Variants in PTPN6 observed in about 807,000 individuals in gnomAD.
PTPN6 encodes the protein protein tyrosine phosphatase non-receptor type 6.
PTPN6 carries 18 observed loss-of-function variants against 81.5 expected under a neutral mutation model. The observed-to-expected ratio is 0.22, with a 90% CI of 0.15 to 0.33. The LOEUF is 0.33. Among genes scored for constraint, PTPN6 ranks in the 10% least tolerant of loss-of-function variants. The pLI is 1.00. For missense variants in PTPN6, 500 were observed against 794.2 expected (o/e 0.63, Z 4.45); for synonymous variants, 301 against 310.9 (o/e 0.97, Z 0.33).
Position 6,951,892 on chromosome 12 carries a change from C to G in PTPN6, c.132-91C>G. On this transcript the variant is annotated intron_variant, in intron 2 of 15. Coordinates refer to ENST00000318974, the MANE Select transcript of PTPN6 (RefSeq NM_002831.6). The surrounding 1 kb of genome is among the most constrained non-coding windows in gnomAD (Gnocchi z 7.2). ...CATCCCTGTCTGTGCCCACCCATGC[C>G]CATGTGTGCCCCCACCCAGGACCTC... 6.5e-7 allele frequency: 1 copy of G among 1,547,134 alleles called. No individual in the cohort carries two copies.
At chr12:6,946,718 A>G (rs782180778), upstream of PTPN6, 1 of 1,611,238 alleles carries the variant, frequency 6.2e-7, no homozygotes, top group Admixed American at 1.7e-5. Flanking sequence ...CCCCCTCCCT[A>G]CAGAGAGATG....
chr12:6,952,448 G>A lies in PTPN6; in HGVS notation c.326+271G>A. On this transcript the variant is annotated intron_variant, in intron 3 of 15. Coordinates refer to ENST00000318974, the MANE Select transcript of PTPN6 (RefSeq NM_002831.6). The surrounding 1 kb of genome is among the most constrained non-coding windows in gnomAD (Gnocchi z 8.1). ...GGGAGCCCTGGCCGCTGCAACCCAG[G>A]TCCCACTGGAGACAGGGAGGCCACT... 3.7e-6 allele frequency: 2 copies of A among 542,342 alleles called. No individual in the cohort carries two copies. Among genetic ancestry groups the A allele is most frequent in the Non-Finnish European group, 6.7e-6 (2 of 300,024 alleles). The allele number at this position is 542,342 out of a possible 1,614,324, so 33.6% of individuals were successfully genotyped here. A position where few individuals can be genotyped will look rare whatever the true frequency, so the allele number is the denominator to read the frequency against.
In PTPN6 at chr12:6,960,751, C is replaced by A; in HGVS notation, c.1674-55C>A. ...ACTGCCAGTGCCGGGTCCCCCTGTG[C>A]TGTCTCCTGACCTGCACCAACTGCC... On this transcript the variant is annotated intron_variant, in intron 14 of 15. Transcript: ENST00000318974. The surrounding 1 kb of genome is among the most constrained non-coding windows in gnomAD (Gnocchi z 6.1). 6.4e-7 allele frequency: 1 copy of A among 1,551,808 alleles called. No homozygotes were observed. Among genetic ancestry groups the A allele is most frequent in the Non-Finnish European group, 8.7e-7 (1 of 1,147,060 alleles).
rs1945985486 is a variant in PTPN6, at chr12:6,954,484, C to T, written c.327-321C>T. Among the ~76,000 whole-genome samples the T allele has an allele frequency of 6.6e-6, 1 of 152,210 alleles. No homozygotes were observed. The highest frequency in any genetic ancestry group is 1.5e-5 in the Non-Finnish European group (1 of 68,038). On this transcript the variant is annotated intron_variant, in intron 3 of 15. Coordinates refer to ENST00000318974, the MANE Select transcript of PTPN6 (RefSeq NM_002831.6). The surrounding 1 kb of genome is among the most constrained non-coding windows in gnomAD (Gnocchi z 5.4). ...ATGGCTTGAACCTGGGAGGTCGAGGCTGCAGAGAGCTGTAACCGCGCCACT... is the reference window on the plus strand; with the variant it reads ...ATGGCTTGAACCTGGGAGGTCGAGGTTGCAGAGAGCTGTAACCGCGCCACT...
Position 6,955,263 on chromosome 12 carries a change from G to A in PTPN6, c.629G>A (p.Arg210Gln), listed in dbSNP as rs367551491. Residue 210 changes from arginine (R) to glutamine (Q), a missense_variant, in exon 5 of 16, where the codon CGG becomes CAG. By Grantham distance (43) the Arg-to-Gln change is conservative. Transcript: ENST00000318974. This position sits in a 1 kb window ranked among gnomAD's most constrained non-coding sequence, Gnocchi z 7.2. Reference sequence around the variant, plus strand: ...GCCTCAGGCGCCTTTGTCTACCTGCGGCAGGTCAGGGGTGGGCCCAGCTGC... The same window carrying A: ...GCCTCAGGCGCCTTTGTCTACCTGCAGCAGGTCAGGGGTGGGCCCAGCTGC... ...EEASGAFVYLRQPYYATRVNA... is the reference protein window; with the variant it reads ...EEASGAFVYLQQPYYATRVNA... 24 of 1,613,926 alleles carry A rather than the reference G, an allele frequency of 1.5e-5. No individual in the cohort carries two copies. The highest frequency in any genetic ancestry group is 2.7e-5 in the African/African-American group (2 of 74,894).
At position 6,956,133 on chromosome 12, in the gene PTPN6, C is replaced by G; in HGVS notation, c.845-9C>G. 1 of 1,614,152 alleles carries G rather than the reference C, an allele frequency of 6.2e-7. No homozygotes were observed. Among genetic ancestry groups the G allele is most frequent in the African/African-American group, 1.3e-5 (1 of 75,046 alleles). On this transcript the variant is annotated splice_polypyrimidine_tract_variant and intron_variant, in intron 7 of 15. Transcript: ENST00000318974. The surrounding 1 kb of genome is among the most constrained non-coding windows in gnomAD (Gnocchi z 4.1). ...CAGACCATCTCGCCTCCTCTCCGCC[C>G]ACTCCCAGTTGACCACAGCCGAGTG...
upstream of PTPN6, among the ~76,000 whole-genome samples, chr12:6,946,894 G>A (rs1945830157): frequency 6.6e-6 from 1 of 151,170 alleles, no homozygotes; most frequent in Non-Finnish European, 1.5e-5. Flanking sequence ...CTTCCCGCAA[G>A]GTGTGAGGAC....
In PTPN6 at chr12:6,951,829, T is replaced by TC; in HGVS notation, c.131+102dup. ...CCTGGTTCCCCGTGGCAGTGCTGAC[T>TC]CCCCGTCTGTTCCCTTGCCCCCAAC... On this transcript the variant is annotated intron_variant, in intron 2 of 15. Transcript: ENST00000318974. This position sits in a 1 kb window ranked among gnomAD's most constrained non-coding sequence, Gnocchi z 7.2. 6.3e-7 allele frequency: 1 copy of TC among 1,590,816 alleles called. No homozygotes were observed. The highest frequency in any genetic ancestry group is 8.5e-7 in the Non-Finnish European group (1 of 1,170,310).
chr12:6,959,787 G>T lies in PTPN6; in HGVS notation c.1362-140G>T. On this transcript the variant is annotated intron_variant, in intron 11 of 15. Coordinates refer to ENST00000318974, the MANE Select transcript of PTPN6 (RefSeq NM_002831.6). The surrounding 1 kb of genome is among the most constrained non-coding windows in gnomAD (Gnocchi z 6.6). ...GGCAAACCTCCATCATCACTTGCCCGGTGACCCTGGGCACATTCCCTCCCA... is the reference window on the plus strand; with the variant it reads ...GGCAAACCTCCATCATCACTTGCCCTGTGACCCTGGGCACATTCCCTCCCA... 1.1e-6 allele frequency: 1 copy of T among 892,634 alleles called. No homozygotes were observed. 55.3% of individuals were successfully genotyped at this position (892,634 alleles called of 1,614,324 possible).
chr12:6,947,453 T>C (rs1945844391), upstream of PTPN6, among the ~76,000 whole-genome samples: 1 of 152,108 alleles, frequency 6.6e-6, no homozygotes, highest in South Asian at 2.1e-4. Flanking sequence ...GAGGATTGCT[T>C]GAGCCCAGGA....
chr12:6,960,678 T>G lies in PTPN6; in HGVS notation c.1674-128T>G. ...TGTCCTCTAGGAGCTTGGAGTCTAG[T>G]GCAGGGACCGTGGCTGCGTCACCTG... On this transcript the variant is annotated intron_variant, in intron 14 of 15. Transcript: ENST00000318974. The surrounding 1 kb of genome is among the most constrained non-coding windows in gnomAD (Gnocchi z 6.1). 6.4e-7 allele frequency: 1 copy of G among 1,551,418 alleles called. No homozygotes were observed. The highest frequency in any genetic ancestry group is 2.4e-5 in the East Asian group (1 of 40,910).
rs1431574566 is a variant in PTPN6, at chr12:6,961,282, T to C, written c.*182T>C. On this transcript the variant is annotated 3_prime_UTR_variant, in exon 16 of 16. Coordinates refer to ENST00000318974, the MANE Select transcript of PTPN6 (RefSeq NM_002831.6). Reference sequence around the variant, plus strand: ...CCAGGCCCCAGGCAGGGCCAACCCTTCTCCTCTTGTAAATAAAGCCCTGGG... The same window carrying C: ...CCAGGCCCCAGGCAGGGCCAACCCTCCTCCTCTTGTAAATAAAGCCCTGGG... The C allele has an allele frequency of 9.1e-6, 3 of 329,880 alleles. No individual in the cohort carries two copies. The highest frequency in any genetic ancestry group is 4.3e-5 in the African/African-American group (2 of 46,952). 20.4% of individuals were successfully genotyped at this position (329,880 alleles called of 1,614,324 possible). A position where few individuals can be genotyped will look rare whatever the true frequency, so the allele number is the denominator to read the frequency against.
chr12:6,956,378 GCTCA>G lies in PTPN6; in HGVS notation c.925-38_925-35del. 2.5e-6 allele frequency: 4 copies of G among 1,614,066 alleles called. No homozygotes were observed. The highest frequency in any genetic ancestry group is 3.4e-6 in the Non-Finnish European group (4 of 1,179,988). ...TTCAGGGCCTGTGCTGGGCCAAGGG[GCTCA>G]CTGTCTTGGGGTGCGTCTCTCCACG... On this transcript the variant is annotated intron_variant, in intron 8 of 15. Coordinates refer to ENST00000318974, the MANE Select transcript of PTPN6 (RefSeq NM_002831.6). The surrounding 1 kb of genome is among the most constrained non-coding windows in gnomAD (Gnocchi z 4.1).
chr12:6,954,791 G>A lies in PTPN6; in HGVS notation c.327-14G>A, dbSNP rs782464035. On this transcript the variant is annotated splice_polypyrimidine_tract_variant and intron_variant, in intron 3 of 15. Coordinates refer to ENST00000318974, the MANE Select transcript of PTPN6 (RefSeq NM_002831.6). This position sits in a 1 kb window ranked among gnomAD's most constrained non-coding sequence, Gnocchi z 5.4. ...TGGCCTGGGTCTTACCTTCCCTGAC[G>A]CTGCCTTCTCTAGGTGGTACCATGG... is the stretch of plus-strand genomic sequence containing the variant. 9.3e-6 allele frequency: 15 copies of A among 1,612,336 alleles called. No individual in the cohort carries two copies. The highest frequency in any genetic ancestry group is 6.7e-5 in the East Asian group (3 of 44,890).
chr12:6,949,433 A>G (rs1945889139), upstream of PTPN6, among the ~76,000 whole-genome samples: 2 of 152,072 alleles, frequency 1.3e-5, no homozygotes, highest in Admixed American at 6.5e-5. Flanking sequence ...CTGCTGCAGT[A>G]TGGTTGTTGG....
Position 6,955,517 on chromosome 12 carries a change from G to C in PTPN6, c.747+32G>C, listed in dbSNP as rs1208286272. On this transcript the variant is annotated intron_variant, in intron 6 of 15. Coordinates refer to ENST00000318974, the MANE Select transcript of PTPN6 (RefSeq NM_002831.6). This position sits in a 1 kb window ranked among gnomAD's most constrained non-coding sequence, Gnocchi z 7.2. ...GGTGGGGACCGGCAGGGCTGGGGCA[G>C]CTGAGGTGGTGGCAGCGGCCTGGGG... 1.9e-6 allele frequency: 3 copies of C among 1,607,166 alleles called. No homozygotes were observed. Among genetic ancestry groups the C allele is most frequent in the Non-Finnish European group, 2.6e-6 (3 of 1,174,326 alleles).
rs1946032455 is a variant in PTPN6 at position 6,956,435 on chromosome 12, C to T, written c.941C>T (p.Pro314Leu). 1 of 1,614,184 alleles carries T rather than the reference C, an allele frequency of 6.2e-7. No individual in the cohort carries two copies. Among genetic ancestry groups the T allele is most frequent in the Non-Finnish European group, 8.5e-7 (1 of 1,180,038 alleles). The change falls in exon 9 of 16, where the codon CCT becomes CTT. Residue 314 changes from proline (P) to leucine (L), a missense_variant. Around this residue, in one of 6 missense-constraint regions of PTPN6, gnomAD observed 226 missense variants for 364.4 expected, o/e 0.62. Coordinates refer to ENST00000318974, the MANE Select transcript of PTPN6 (RefSeq NM_002831.6). The surrounding 1 kb of genome is among the most constrained non-coding windows in gnomAD (Gnocchi z 4.1). ...ANYIKNQLLG[P>L]DENAKTYIAS... ...TGCGTCCAGAACCAGCTGCTAGGCC[C>T]TGATGAGAACGCTAAGACCTACATC...
chr12:6,951,487 C>A lies in PTPN6; in HGVS notation c.-26C>A, dbSNP rs1429761510. Reference sequence around the variant, plus strand: ...AGCTGCACCTCCTCATTCCCTGCGCCCCCTTCCTCTCCGGAAGCCCCCAGG... The same window carrying A: ...AGCTGCACCTCCTCATTCCCTGCGCACCCTTCCTCTCCGGAAGCCCCCAGG... On this transcript the variant is annotated 5_prime_UTR_variant, in exon 1 of 16. Coordinates refer to ENST00000318974, the MANE Select transcript of PTPN6 (RefSeq NM_002831.6). This position sits in a 1 kb window ranked among gnomAD's most constrained non-coding sequence, Gnocchi z 7.2. 3.1e-6 allele frequency: 5 copies of A among 1,613,702 alleles called. No individual in the cohort carries two copies. The African/African-American group carries it at 5.3e-5, about 17-fold the overall frequency.
At position 6,960,294 on chromosome 12, in the gene PTPN6, C is replaced by G. The variant is rs782411802; in HGVS notation, c.1582-50C>G. 2.5e-6 allele frequency: 4 copies of G among 1,609,194 alleles called. No individual in the cohort carries two copies. Among genetic ancestry groups the G allele is most frequent in the African/African-American group, 1.3e-5 (1 of 74,142 alleles). ...GGGGGCTGCAGTGCAGGATGGGTGCCACCTGGCCCTGCTGGGACCACCACC... is the reference window on the plus strand; with the variant it reads ...GGGGGCTGCAGTGCAGGATGGGTGCGACCTGGCCCTGCTGGGACCACCACC... On this transcript the variant is annotated intron_variant, in intron 13 of 15. Transcript: ENST00000318974. The surrounding 1 kb of genome is among the most constrained non-coding windows in gnomAD (Gnocchi z 6.1).
Sources: gnomAD v4.1 joint callset for allele counts (sites outside exome capture counted in the v4.1 genomes callset) on GRCh38, gnomAD v4.1.1 for gene constraint, gnomAD v4.1.1 regional missense constraint, Gnocchi (gnomAD v3.1) non-coding constraint, MANE v1.5 for transcripts, NCBI Gene and HGNC (gene_info 2026-07-23, HGNC 2026-07-21) for gene names.